IGSF10: variants seen among roughly 807,000 people sequenced by gnomAD.
The protein encoded by IGSF10 is immunoglobulin superfamily member 10.
In IGSF10, 126 loss-of-function variants were observed where a neutral mutation model predicts 128.2. The observed-to-expected ratio is 0.98, with a 90% CI of 0.85 to 1.14. The LOEUF (loss-of-function observed/expected upper bound fraction) is 1.14. IGSF10 is among the 50% of genes most tolerant of loss of function. The probability of loss-of-function intolerance (pLI) is 0.00; values close to 1 mark genes in which losing one functional copy is unlikely to be tolerated. For synonymous variants in IGSF10, 1,185 were observed against 1,146.2 expected, an observed-to-expected ratio of 1.03 and a Z score of -0.68; for missense variants, 3,295 against 3,149.8, an observed-to-expected ratio of 1.05 and a Z score of -1.10.
At chr3:151,579,876 A>AAGGGAGGAAGGGAGGAAGGAT in the IGSF10 span, among the ~76,000 whole-genome samples, 1 of 18,660 alleles carries the variant, frequency 5.4e-5, no homozygotes, top group Non-Finnish European at 1.1e-4. Flanking sequence ...GGAGGAAGGA[A>AAGGGAGGAAGGGAGGAAGGAT]AGGAAGGAAG....
chr3:151,458,407 AT>A, intron 3 of IGSF10, 108 bp downstream of exon 3: 5 of 806,436 alleles, frequency 6.2e-6, no homozygotes, highest in Non-Finnish European at 7.3e-6. Context: ...GAAAAGAAAT[AT>A]TGTTAAAACA....
At chr3:151,560,418 C>G in the IGSF10 span, among the ~76,000 whole-genome samples, 1 of 152,138 alleles carries the variant, frequency 6.6e-6, no homozygotes, top group African/African-American at 2.4e-5. Flanking sequence ...TCTGTTCCTT[C>G]TTACAGTCTC....
rs372904845 is a variant in IGSF10 at position 151,445,033 on chromosome 3, T to A, written c.4948A>T (p.Ile1650Leu). The A allele has an allele frequency of 6.5e-5, 105 of 1,614,218 alleles. No individual in the cohort carries two copies. Among genetic ancestry groups the A allele is most frequent in the Non-Finnish European group, 8.3e-5 (98 of 1,180,028 alleles). The change falls in exon 6 of 8, where the codon ATA becomes TTA. Residue 1650 changes from isoleucine (I) to leucine (L), a missense_variant. Transcript: ENST00000282466. Reference sequence around the variant, plus strand: ...AAACTTGCAGCTTTTCCTCCAACTATCCTGGGCTTTTCAAATATATACCTA... The same window carrying A: ...AAACTTGCAGCTTTTCCTCCAACTAACCTGGGCTTTTCAAATATATACCTA... ...LSRYIFEKPR[I>L]VGGKAASFTI...
chr3:151,606,716 C>T, the IGSF10 span, among the ~76,000 whole-genome samples: 6 of 152,208 alleles, frequency 3.9e-5, no homozygotes, highest in African/African-American at 1.4e-4. Context: ...TAGACACACA[C>T]ACATACACAC....
Position 151,447,340 on chromosome 3 carries a change from G to T in IGSF10, c.2641C>A (p.Gln881Lys), listed in dbSNP as rs867900793. Reference sequence around the variant, plus strand: ...TGTTGATTGGTTGTGCCTTGTATTTGGCTTGACATGGTTGGGTTTATATTC... The same window carrying T: ...TGTTGATTGGTTGTGCCTTGTATTTTGCTTGACATGGTTGGGTTTATATTC... ...SKNINPTMSS[Q>K]IQGTTNQHSS... is the part of the protein sequence containing the mutation. The change falls in exon 6 of 8, where the codon CAA becomes AAA. Residue 881 changes from glutamine (Q) to lysine (K), a missense_variant. Transcript: ENST00000282466. 5.1e-5 allele frequency: 82 copies of T among 1,614,082 alleles called. No individual in the cohort carries two copies. The highest frequency in any genetic ancestry group is 6.8e-5 in the Non-Finnish European group (80 of 1,180,054).
chr3:151,591,030 C>T, the IGSF10 span, among the ~76,000 whole-genome samples: 2 of 152,034 alleles, frequency 1.3e-5, no homozygotes, highest in South Asian at 2.1e-4. Flanking sequence ...AGGGAGGCTA[C>T]GTGTAGATTC....
At position 151,449,172 on chromosome 3, in the gene IGSF10, GCTAACGGCT is replaced by G; in HGVS notation, c.800_808del (p.Lys267_Ala270delinsThr). Reference sequence around the variant, plus strand: ...CTGGAAAGCTGCAGCTGAGACCATAGCTAACGGCTTGCCTTTAGAAGTCCTAGGGTTCAT... The same window carrying G: ...CTGGAAAGCTGCAGCTGAGACCATAGTGCCTTTAGAAGTCCTAGGGTTCAT... On this transcript the variant is annotated inframe_deletion, in exon 6 of 8. Transcript: ENST00000282466. 6.2e-7 allele frequency: 1 copy of G among 1,614,194 alleles called. No individual in the cohort carries two copies. The highest frequency in any genetic ancestry group is 8.5e-7 in the Non-Finnish European group (1 of 1,180,038).
At chr3:151,509,657 A>G in the IGSF10 span, among the ~76,000 whole-genome samples, 9 of 152,206 alleles carry the variant, frequency 5.9e-5, no homozygotes, top group Non-Finnish European at 1.3e-4. Context: ...CGCACCGTGC[A>G]TGAGCTGAAG....
the IGSF10 span, among the ~76,000 whole-genome samples, chr3:151,569,668 T>A: frequency 6.6e-6 from 1 of 152,212 alleles, no homozygotes; most frequent in African/African-American, 2.4e-5. Context: ...CATCTCTAGA[T>A]AATAGAAATA....
chr3:151,513,842 C>G, the IGSF10 span, among the ~76,000 whole-genome samples: 2 of 151,630 alleles, frequency 1.3e-5, no homozygotes, highest in African/African-American at 2.4e-5. Flanking sequence ...CAAACAGAGA[C>G]CAAAATCATG....
chr3:151,446,428 T>A lies in IGSF10; in HGVS notation c.3553A>T (p.Ile1185Phe). ...SVITSSLSGAITKPPMTIIAI... is the reference protein window; with the variant it reads ...SVITSSLSGAFTKPPMTIIAI... ...ATAATAGTCATTGGTGGCTTGGTGATAGCACCTGAAAGTGACGATGTAATC... is the reference window on the plus strand; with the variant it reads ...ATAATAGTCATTGGTGGCTTGGTGAAAGCACCTGAAAGTGACGATGTAATC... Residue 1185 changes from isoleucine to phenylalanine, a missense_variant, in exon 6 of 8, where the codon ATC (isoleucine) becomes TTC (phenylalanine). By Grantham distance (21) the Ile-to-Phe change is conservative. Coordinates refer to ENST00000282466, the MANE Select transcript of IGSF10 (RefSeq NM_178822.5). 6.2e-7 allele frequency: 1 copy of A among 1,614,100 alleles called. No homozygotes were observed. The highest frequency in any genetic ancestry group is 8.5e-7 in the Non-Finnish European group (1 of 1,179,928).
At chr3:151,565,745 T>C in the IGSF10 span, 2 of 152,212 alleles carry the variant, frequency 1.3e-5, no homozygotes, top group Admixed American at 6.5e-5. Flanking sequence ...GGCCCACTGA[T>C]TGGTATTTGA....
chr3:151,510,935 A>G, the IGSF10 span, among the ~76,000 whole-genome samples: 1 of 152,198 alleles, frequency 6.6e-6, no homozygotes, highest in East Asian at 1.9e-4. Context: ...AAAGAAATGA[A>G]CAAAGCCTCC....
the IGSF10 span, among the ~76,000 whole-genome samples, chr3:151,488,528 C>G: frequency 3.9e-5 from 6 of 152,076 alleles, no homozygotes; most frequent in Non-Finnish European, 7.4e-5. Flanking sequence ...TAATCCTAAG[C>G]AAAAAGAACA....
At chr3:151,566,328 C>T in the IGSF10 span, among the ~76,000 whole-genome samples, 4 of 152,094 alleles carry the variant, frequency 2.6e-5, no homozygotes, top group Non-Finnish European at 4.4e-5. Flanking sequence ...CTGCTCTCCC[C>T]AGAACTGAGG....
At position 151,445,499 on chromosome 3, in the gene IGSF10, A is replaced by G; in HGVS notation, c.4482T>C (p.Ile1494=). Residue 1494 remains isoleucine (I), a synonymous_variant, in exon 6 of 8, where the codon ATT becomes ATC. Transcript: ENST00000282466. ...CCACTGTATTTGTCATAAGCCCGGA[A>G]ATGGGAGTCGCCACGTTGTCAGTAA... ...RAVTDNVATP[I]SGLMTNTVVK... is the part of the protein sequence containing the mutation. 1 of 1,614,188 alleles carries G rather than the reference A, an allele frequency of 6.2e-7. No individual in the cohort carries two copies.
At chr3:151,530,462 G>A in the IGSF10 span, among the ~76,000 whole-genome samples, 1 of 152,144 alleles carries the variant, frequency 6.6e-6, no homozygotes, top group African/African-American at 2.4e-5. Flanking sequence ...GGCAGCCAGA[G>A]AGAAATATCG....
chr3:151,458,661 C>T lies in IGSF10; in HGVS notation c.49G>A (p.Val17Met). The T allele has an allele frequency of 6.2e-7, 1 of 1,614,116 alleles. No homozygotes were observed. Among genetic ancestry groups the T allele is most frequent in the Non-Finnish European group, 8.5e-7 (1 of 1,180,022 alleles). ...GITCLLVSFA[V>M]ICLVATPGGK... ...CCAGGGGTGGCGACCAGGCAGATCA[C>T]AGCAAAGGAGACCAGCAAGCAGGTG... The change falls in exon 3 of 8, where the codon GTG (valine) becomes ATG (methionine). Residue 17 changes from valine to methionine, a missense_variant. By Grantham distance (21) the Val-to-Met change is conservative. Coordinates refer to ENST00000282466, the MANE Select transcript of IGSF10 (RefSeq NM_178822.5).
the IGSF10 span, among the ~76,000 whole-genome samples, chr3:151,562,711 C>T: frequency 6.6e-6 from 1 of 152,058 alleles, no homozygotes; most frequent in African/African-American, 2.4e-5. Flanking sequence ...CTTCTTAATT[C>T]TACAGAAGTG....
Sources: gnomAD v4.1 joint callset for allele counts (sites outside exome capture counted in the v4.1 genomes callset) on GRCh38, gnomAD v4.1.1 for gene constraint, MANE v1.5 for transcripts, NCBI Gene and HGNC (gene_info 2026-07-23, HGNC 2026-07-21) for gene names.